Variants in GPR107 observed in about 807,000 individuals in gnomAD.
GPR107 encodes protein GPR107.
GPR107 carries 31 observed loss-of-function variants against 75.5 expected under a neutral mutation model. That is an observed-to-expected ratio of 0.41 (90% CI 0.31 to 0.55). The LOEUF is 0.55. Ranked by LOEUF, GPR107 falls within the 20% of genes least tolerant of loss-of-function variation. The pLI, the probability that GPR107 is intolerant of heterozygous loss-of-function variation, is 0.26. For missense variants in GPR107, 572 were observed against 665.7 expected (o/e 0.86, Z 1.55); for synonymous variants, 267 against 251.3 (o/e 1.06, Z -0.59).
intron 17 of GPR107, among the ~76,000 whole-genome samples, chr9:130,131,051 C>T (rs1438249475): frequency 3.9e-5 from 6 of 152,118 alleles, no homozygotes; most frequent in Admixed American, 6.6e-5. Context: ...AAGGAAAGAA[C>T]GCTTATCTGC....
Position 130,090,900 on chromosome 9 carries a change from G to A in GPR107, c.646G>A (p.Asp216Asn). The stretch of plus-strand genomic sequence containing the variant: ...GTTTTTCTTTAACATCAGCACTGAT[G>A]ACCAAGAAGGCCTTTACAGTCTTTA... Reference protein sequence around the residue: ...FQFFFNISTDDQEGLYSLYFH... With the variant: ...FQFFFNISTDNQEGLYSLYFH... Residue 216 changes from aspartate to asparagine, a missense_variant, in exon 8 of 18, where the codon GAC becomes AAC. By Grantham distance (23) the Asp-to-Asn change is conservative (BLOSUM62 1). Transcript: ENST00000347136. 2.0e-6 allele frequency: 3 copies of A among 1,490,018 alleles called. No individual in the cohort carries two copies. The highest frequency in any genetic ancestry group is 2.8e-6 in the Non-Finnish European group (3 of 1,068,552). The allele number at this position is 1,490,018 out of a possible 1,614,324, so 92.3% of individuals were successfully genotyped here.
At chr9:130,107,799 G>C (rs1424755491) in intron 14 of GPR107, among the ~76,000 whole-genome samples, 1 of 152,210 alleles carries the variant, frequency 6.6e-6, no homozygotes, top group Non-Finnish European at 1.5e-5. Context: ...TCGTGGTTGT[G>C]ATTTTCACCT....
At chr9:130,057,466 C>T (rs1168072666) in intron 1 of GPR107, among the ~76,000 whole-genome samples, 1 of 148,436 alleles carries the variant, frequency 6.7e-6, no homozygotes, top group Non-Finnish European at 1.5e-5. Flanking sequence ...GCTATAATGG[C>T]TCCAGCCTGG....
chr9:130,082,158 A>T (rs2025231), intron 5 of GPR107, among the ~76,000 whole-genome samples: 88,939 of 151,944 alleles, frequency 0.59, 26,092 homozygotes, highest in East Asian at 0.79. Context: ...TTCATGAGGG[A>T]TATGTCCTCA....
intron 1 of GPR107, among the ~76,000 whole-genome samples, chr9:130,056,262 G>T (rs1387995552): frequency 1.3e-5 from 2 of 151,912 alleles, no homozygotes; most frequent in Admixed American, 1.3e-4. Context: ...GACCAGCCTG[G>T]CCAACATTGT....
chr9:130,130,877 GA>G lies in GPR107; in HGVS notation c.1562+2132del, dbSNP rs113310099. 2.9e-3 allele frequency among the ~76,000 whole-genome samples: 389 copies of G among 135,612 alleles called. 2 individuals carry two copies. The highest frequency in any genetic ancestry group is 0.01 in the African/African-American group (377 of 36,186). 89.0% of individuals were successfully genotyped at this position (135,612 alleles called of 152,430 possible). A position where few individuals can be genotyped will look rare whatever the true frequency, so the allele number is the denominator to read the frequency against. ...GAGAGTGAAACTCCGTCTCAAAAAA[GA>G]AAAAAAAAAAAAAAACGCATGAATC... On this transcript the variant is annotated intron_variant, in intron 17 of 17. Coordinates refer to ENST00000347136, the MANE Select transcript of GPR107 (RefSeq NM_020960.5).
Position 130,103,721 on chromosome 9 carries a change from G to T in GPR107, c.1132-699G>T, listed in dbSNP as rs966949357. Among the ~76,000 whole-genome samples, 2 of 152,200 alleles carry T rather than the reference G, an allele frequency of 1.3e-5. No homozygotes were observed. Among genetic ancestry groups the T allele is most frequent in the Non-Finnish European group, 2.9e-5 (2 of 68,038 alleles). On this transcript the variant is annotated intron_variant, in intron 12 of 17. Transcript: ENST00000347136. This position sits in a 1 kb window ranked among gnomAD's most constrained non-coding sequence, Gnocchi z 4.3. ...AGTATGGGCATTGTGGCTAAATAGG[G>T]TGTTAAGTGCCACCTATCCAGCAGT...
At chr9:130,119,994 A>G (rs1287125237) in intron 14 of GPR107, among the ~76,000 whole-genome samples, 1 of 151,852 alleles carries the variant, frequency 6.6e-6, no homozygotes, top group African/African-American at 2.4e-5. Context: ...CAGCTGGTTT[A>G]TGTTTATTTT....
Position 130,103,135 on chromosome 9 carries a change from A to G in GPR107, c.1132-1285A>G, listed in dbSNP as rs1177393492. 6.6e-6 allele frequency among the ~76,000 whole-genome samples: 1 copy of G among 152,076 alleles called. No homozygotes were observed. Among genetic ancestry groups the G allele is most frequent in the African/African-American group, 2.4e-5 (1 of 41,402 alleles). On this transcript the variant is annotated intron_variant, in intron 12 of 17. Transcript: ENST00000347136. This position sits in a 1 kb window ranked among gnomAD's most constrained non-coding sequence, Gnocchi z 4.3. ...GGAGCCACAGATGCTAGTGTTTTGG[A>G]TAGACAGGGCTTCACGAGCAGTGTG...
intron 15 of GPR107, among the ~76,000 whole-genome samples, chr9:130,126,166 A>T (rs1815205562): frequency 1.3e-5 from 2 of 152,138 alleles, no homozygotes; most frequent in Non-Finnish European, 1.5e-5. Context: ...AGAAAAGTTA[A>T]GACAGTTTTT....
At chr9:130,075,810 T>C in intron 2 of GPR107, 61 bp downstream of exon 2, 1 of 762,466 alleles carries the variant, frequency 1.3e-6, no homozygotes, top group East Asian at 2.8e-5. Flanking sequence ...TGAGATGGAG[T>C]CTTGCTCTGT....
chr9:130,054,933 T>A (rs894382879), intron 1 of GPR107, among the ~76,000 whole-genome samples: 19 of 151,948 alleles, frequency 1.3e-4, no homozygotes, highest in African/African-American at 4.6e-4. Flanking sequence ...CTACAAAAAA[T>A]TAAAAATTAA....
intron 1 of GPR107, among the ~76,000 whole-genome samples, chr9:130,059,459 G>A (rs1829874990): frequency 6.6e-6 from 1 of 152,046 alleles, no homozygotes; most frequent in African/African-American, 2.4e-5. Flanking sequence ...CTGCACTCAA[G>A]CCTGTGCGAT....
chr9:130,062,656 GCCTGCCTT>G (rs1278577866), intron 1 of GPR107, among the ~76,000 whole-genome samples: 2,788 of 45,906 alleles, frequency 0.061, 79 homozygotes, highest in African/African-American at 0.15. Context: ...CTGCCTGCCT[GCCTGCCTT>G]CCTTCCTTCC....
At chr9:130,098,142 C>T (rs1055604418) in intron 9 of GPR107, among the ~76,000 whole-genome samples, 2 of 152,142 alleles carry the variant, frequency 1.3e-5, no homozygotes, top group Admixed American at 6.5e-5. Context: ...CTCAGCCTCC[C>T]TAAGTGTGGG....
chr9:130,102,858 A>G (rs1162502378), intron 12 of GPR107, among the ~76,000 whole-genome samples: 1 of 152,124 alleles, frequency 6.6e-6, no homozygotes, highest in African/African-American at 2.4e-5. Context: ...ATCATGGCTC[A>G]CTGCAGCCCT....
chr9:130,068,586 A>G (rs1364620366), intron 1 of GPR107, among the ~76,000 whole-genome samples: 2 of 152,102 alleles, frequency 1.3e-5, no homozygotes, highest in Non-Finnish European at 2.9e-5. Context: ...AACTAAATTG[A>G]GGTATCATTA....
chr9:130,096,681 T>C (rs1830881162), intron 9 of GPR107, among the ~76,000 whole-genome samples: 4 of 152,138 alleles, frequency 2.6e-5, no homozygotes, highest in African/African-American at 4.8e-5. Context: ...TTGGCCAGGC[T>C]GGTCTAGAAT....
chr9:130,133,933 G>A (rs1554899574), intron 17 of GPR107, among the ~76,000 whole-genome samples: 1 of 152,096 alleles, frequency 6.6e-6, no homozygotes, highest in Non-Finnish European at 1.5e-5. Context: ...TTACCATGAG[G>A]TCCAGCTGCA....
Sources: allele counts gnomAD v4.1 joint callset (sites outside exome capture counted in the v4.1 genomes callset), GRCh38; gene constraint gnomAD v4.1.1; non-coding constraint Gnocchi (gnomAD v3.1); transcripts MANE v1.5; gene names NCBI Gene and HGNC (gene_info 2026-07-23, HGNC 2026-07-21).